The following WDR49 variants were observed in gnomAD, a reference collection of about 807,000 sequenced individuals.
The protein encoded by WDR49 is WD repeat domain 49, also known as cilia- and flagella-associated protein 337.
Under a neutral mutation model 119.5 loss-of-function variants are expected in WDR49, and 107 were observed. That is an observed-to-expected ratio of 0.90 (90% CI 0.77 to 1.05). The LOEUF is 1.05. Among genes scored for constraint, WDR49 ranks in the 50% least tolerant of loss-of-function variants. WDR49 has a pLI of 0.00. For missense variants in WDR49, 1,240 were observed against 1,220.5 expected, an observed-to-expected ratio of 1.02 and a Z score of -0.24; for synonymous variants, 425 against 418.8, an observed-to-expected ratio of 1.01 and a Z score of -0.18.
At chr3:167,539,369 T>C (rs1303273458) in intron 10 of WDR49, among the ~76,000 whole-genome samples, 1 of 152,096 alleles carries the variant, frequency 6.6e-6, no homozygotes, top group African/African-American at 2.4e-5. Flanking sequence ...TGGTATACTT[T>C]TTCATGCCTC....
intron 5 of WDR49, among the ~76,000 whole-genome samples, chr3:167,606,017 A>G (rs918776321): frequency 6.6e-6 from 1 of 152,184 alleles, no homozygotes; most frequent in Non-Finnish European, 1.5e-5. Context: ...TCAAGTTTTA[A>G]CATTCACACA....
intron 11 of WDR49, among the ~76,000 whole-genome samples, chr3:167,533,828 T>G (rs1320918976): frequency 6.6e-6 from 1 of 151,948 alleles, no homozygotes; most frequent in Non-Finnish European, 1.5e-5. Context: ...AGAGTGTCTA[T>G]GGTAAGGAGA....
intron 7 of WDR49, among the ~76,000 whole-genome samples, chr3:167,594,528 A>C (rs1440743976): frequency 6.6e-6 from 1 of 152,212 alleles, no homozygotes; most frequent in Non-Finnish European, 1.5e-5. Context: ...TTCTGAAAGC[A>C]TACAGTCATA....
chr3:167,517,428 C>T (rs1190546542), intron 16 of WDR49, among the ~76,000 whole-genome samples: 1 of 152,106 alleles, frequency 6.6e-6, no homozygotes, highest in Non-Finnish European at 1.5e-5. Flanking sequence ...AGAAAGGATT[C>T]CCTATTTAAT....
At chr3:167,598,494 T>C (rs1379912121) in intron 7 of WDR49, among the ~76,000 whole-genome samples, 1 of 152,070 alleles carries the variant, frequency 6.6e-6, no homozygotes, top group African/African-American at 2.4e-5. Context: ...CTCATGATAG[T>C]AAGTGAGTTC....
At chr3:167,495,385 C>T (rs1751314714) in intron 18 of WDR49, among the ~76,000 whole-genome samples, 2 of 151,926 alleles carry the variant, frequency 1.3e-5, no homozygotes, top group South Asian at 4.1e-4. Flanking sequence ...TTCAGATATA[C>T]ATACATATAT....
intron 5 of WDR49, among the ~76,000 whole-genome samples, chr3:167,620,212 G>C (rs1716801072): frequency 6.6e-6 from 1 of 151,520 alleles, no homozygotes; most frequent in Admixed American, 6.6e-5. Context: ...TTGGTCACCT[G>C]AATTAATTGT....
At chr3:167,505,179 T>C (rs1027287050) in intron 17 of WDR49, 128 bp downstream of exon 17, 14 of 1,188,552 alleles carry the variant, frequency 1.2e-5, no homozygotes, top group Non-Finnish European at 1.5e-5. Context: ...TTAAATGGGG[T>C]TCACAGAACA....
chr3:167,511,229 C>G (rs1751959654), intron 16 of WDR49, among the ~76,000 whole-genome samples: 2 of 151,966 alleles, frequency 1.3e-5, no homozygotes, highest in African/African-American at 4.8e-5. Flanking sequence ...AGTTTAATTC[C>G]TAAATGACAT....
At chr3:167,597,240 G>T (rs1471376684) in intron 7 of WDR49, among the ~76,000 whole-genome samples, 1 of 152,224 alleles carries the variant, frequency 6.6e-6, no homozygotes. Context: ...GGTACAGCTA[G>T]GGCTGTTACT....
chr3:167,522,671 T>C (rs1752496809), intron 15 of WDR49, among the ~76,000 whole-genome samples, 187 bp from the exon 16 acceptor site: 1 of 152,152 alleles, frequency 6.6e-6, no homozygotes, highest in South Asian at 2.1e-4. Flanking sequence ...GAGTTTCATG[T>C]AACTTTAATA....
At position 167,627,212 on chromosome 3, in the gene WDR49, C is replaced by T. The variant is rs750353595; in HGVS notation, c.246G>A (p.Thr82=). 39 of 1,252,246 alleles carry T rather than the reference C, an allele frequency of 3.1e-5. No individual in the cohort carries two copies. The highest frequency in any genetic ancestry group is 1.1e-4 in the African/African-American group (7 of 64,832). 77.6% of individuals were successfully genotyped at this position (1,252,246 alleles called of 1,614,324 possible). A position where few individuals can be genotyped will look rare whatever the true frequency, so the allele number is the denominator to read the frequency against. ...QKMTEIVGWG[T]KEEYGELFDK... is the part of the protein sequence containing the mutation. The stretch of plus-strand genomic sequence containing the variant: ...CAAAGAGCTCCCCATATTCTTCCTT[C>T]GTGCCCCAACCAACAATCTCTGTCA... The change falls in exon 3 of 19, where the codon ACG becomes ACA. Residue 82 remains threonine (T), a synonymous_variant. Coordinates refer to ENST00000682715, the MANE Select transcript of WDR49 (RefSeq NM_001366157.1).
At chr3:167,479,605 G>T (rs1242826707) in intron 18 of WDR49, among the ~76,000 whole-genome samples, 1 of 152,122 alleles carries the variant, frequency 6.6e-6, no homozygotes, top group Non-Finnish European at 1.5e-5. Flanking sequence ...AATGTTCTGT[G>T]TTGAGGCATA....
intron 16 of WDR49, among the ~76,000 whole-genome samples, chr3:167,520,925 G>A (rs565880284): frequency 6.6e-6 from 1 of 151,964 alleles, no homozygotes. Flanking sequence ...TCCATTGGAG[G>A]GGAGGAAAGC....
intron 7 of WDR49, among the ~76,000 whole-genome samples, chr3:167,585,821 G>T (rs1259562876): frequency 6.6e-6 from 1 of 152,012 alleles, no homozygotes; most frequent in Non-Finnish European, 1.5e-5. Context: ...CACGTCTAGG[G>T]TTGATGATAG....
At chr3:167,626,817 T>C in intron 3 of WDR49, 35 bp downstream of exon 3, 4 of 1,231,076 alleles carry the variant, frequency 3.2e-6, no homozygotes, top group Non-Finnish European at 4.1e-6. Flanking sequence ...TTCCCTCTTT[T>C]ACAAGCAGTA....
intron 18 of WDR49, among the ~76,000 whole-genome samples, chr3:167,488,042 T>C (rs980920792): frequency 6.6e-6 from 1 of 151,542 alleles, no homozygotes; most frequent in Non-Finnish European, 1.5e-5. Flanking sequence ...AAAAGGAAAA[T>C]GCATTCATGT....
At chr3:167,619,840 C>T (rs1245929575) in intron 5 of WDR49, among the ~76,000 whole-genome samples, 1 of 151,964 alleles carries the variant, frequency 6.6e-6, no homozygotes, top group Non-Finnish European at 1.5e-5. Flanking sequence ...TTTTATGAAA[C>T]TAATTCATTG....
At chr3:167,503,509 C>T (rs1751654104) in intron 17 of WDR49, among the ~76,000 whole-genome samples, 1 of 152,144 alleles carries the variant, frequency 6.6e-6, no homozygotes, top group Admixed American at 6.5e-5. Context: ...TATTAGAAGC[C>T]GTGGGTCATG....
Sources: gnomAD v4.1 joint callset for allele counts (sites outside exome capture counted in the v4.1 genomes callset) on GRCh38, gnomAD v4.1.1 for gene constraint, MANE v1.5 for transcripts, NCBI Gene and HGNC (gene_info 2026-07-23, HGNC 2026-07-21) for gene names.